The following IQGAP3 variants were observed in gnomAD, a reference collection of about 807,000 sequenced individuals.
IQGAP3 encodes the protein ras GTPase-activating-like protein IQGAP3.
A neutral mutation model predicts 208.2 loss-of-function variants in IQGAP3; 165 were observed. The ratio of observed to expected loss-of-function variants is 0.79; its 90% CI spans 0.70 to 0.90. The LOEUF is 0.90. Ranked by LOEUF, IQGAP3 falls within the 40% of genes least tolerant of loss-of-function variation. The pLI is 0.00. For missense variants in IQGAP3, 1,811 were observed against 2,043.1 expected (o/e 0.89, Z 2.19); for synonymous variants, 703 against 803.6 (o/e 0.87, Z 2.12).
At chr1:156,539,141 C>CT in intron 25 of IQGAP3, 108 bp from the exon 26 acceptor site, 3 of 983,766 alleles carry the variant, frequency 3.0e-6, no homozygotes, top group Non-Finnish European at 4.7e-6. Flanking sequence ...GGTGTCCCCG[C>CT]TCTTAAGGAA....
chr1:156,548,617 C>T lies in IQGAP3; in HGVS notation c.1957G>A (p.Ala653Thr). Reference sequence around the variant, plus strand: ...TTCTTTGCCATGGCACTTTCCAGGGCTCGCTGGTAGCCGTTGGCACAGTCG... The same window carrying T: ...TTCTTTGCCATGGCACTTTCCAGGGTTCGCTGGTAGCCGTTGGCACAGTCG... ...VPDCANGYQR[A>T]LESAMAKKQR... Residue 653 changes from alanine to threonine, a missense_variant, in exon 17 of 38, where the codon GCC (alanine) becomes ACC (threonine). Transcript: ENST00000361170. The T allele has an allele frequency of 4.4e-6, 7 of 1,607,980 alleles. No individual in the cohort carries two copies. Among genetic ancestry groups the T allele is most frequent in the Non-Finnish European group, 6.0e-6 (7 of 1,176,138 alleles).
rs747422782 is a variant in IQGAP3 at position 156,554,283 on chromosome 1, A to G, written c.1400T>C (p.Val467Ala). 13 of 1,613,950 alleles carry G rather than the reference A, an allele frequency of 8.1e-6. No homozygotes were observed. Among genetic ancestry groups the G allele is most frequent in the Middle Eastern group, 1.7e-4 (1 of 6,060 alleles). The stretch of plus-strand genomic sequence containing the variant: ...CTCAGCCAGGCCTGTGGCAGGGTTC[A>G]CCAGGCTGCTCCAGAAGCCACTGGC... ...RDASGFWSSL[V>A]NPATGLAEVE... is the part of the protein sequence containing the mutation. The change falls in exon 13 of 38, where the codon GTG becomes GCG. Residue 467 changes from valine to alanine, a missense_variant. Val to Ala is a moderately conservative substitution (Grantham distance 64, BLOSUM62 0). Transcript: ENST00000361170.
chr1:156,540,962 A>T, intron 22 of IQGAP3, 46 bp from the exon 23 acceptor site: 1 of 1,527,420 alleles, frequency 6.5e-7, no homozygotes. Flanking sequence ...GCCTCATCAG[A>T]GGCCTCCTCA....
At chr1:156,571,680 T>TA (rs1676650095) in intron 1 of IQGAP3, among the ~76,000 whole-genome samples, 1 of 152,084 alleles carries the variant, frequency 6.6e-6, no homozygotes, top group Admixed American at 6.5e-5. Context: ...CTCAAAAAAA[T>TA]AAAAAACCGA....
intron 33 of IQGAP3, 122 bp from the exon 34 acceptor site, chr1:156,530,439 G>A: frequency 1.3e-6 from 1 of 774,484 alleles, no homozygotes; most frequent in Non-Finnish European, 2.1e-6. Flanking sequence ...ATATCATTAA[G>A]AAAGTGCCCC....
rs1392276164 is a variant in IQGAP3 at position 156,563,726 on chromosome 1, C to T, written c.505+31G>A. On this transcript the variant is annotated intron_variant, in intron 6 of 37. Coordinates refer to ENST00000361170, the MANE Select transcript of IQGAP3 (RefSeq NM_178229.5). Reference sequence around the variant, plus strand: ...CAGAACCCCCAAGACCCTGCCCAGGCTGTGGTGGTCAGGGAAGGAGCTGGG... The same window carrying T: ...CAGAACCCCCAAGACCCTGCCCAGGTTGTGGTGGTCAGGGAAGGAGCTGGG... 9.3e-6 allele frequency: 15 copies of T among 1,608,290 alleles called. No individual in the cohort carries two copies. The East Asian group carries it at 3.3e-4, about 36-fold the overall frequency.
chr1:156,542,635 AG>A (rs1381876407), intron 22 of IQGAP3, among the ~76,000 whole-genome samples: 1 of 152,212 alleles, frequency 6.6e-6, no homozygotes, highest in Non-Finnish European at 1.5e-5. Flanking sequence ...AAAGGAGAAA[AG>A]TGGGCAAGAA....
rs1427576974 is a variant in IQGAP3 at position 156,537,279 on chromosome 1, G to A, written c.3324C>T (p.His1108=). The change falls in exon 27 of 38, where the codon CAC becomes CAT. Residue 1108 remains histidine (H), a synonymous_variant. Transcript: ENST00000361170. ...TGTCCAGTCGTCTCTGGACCTCGGGGTGGCTCAAGGCCTGCTCCGGGGTGA... is the reference window on the plus strand; with the variant it reads ...TGTCCAGTCGTCTCTGGACCTCGGGATGGCTCAAGGCCTGCTCCGGGGTGA... ...YDVTPEQALS[H]PEVQRRLDIA... The A allele has an allele frequency of 1.2e-6, 2 of 1,614,028 alleles. No homozygotes were observed. The highest frequency in any genetic ancestry group is 2.2e-5 in the East Asian group (1 of 44,868).
At chr1:156,555,748 T>C (rs1675795590) in intron 12 of IQGAP3, among the ~76,000 whole-genome samples, 1 of 152,208 alleles carries the variant, frequency 6.6e-6, no homozygotes, top group Non-Finnish European at 1.5e-5. Context: ...ACTTGCCCAA[T>C]GTCACATAGC....
Position 156,561,880 on chromosome 1 carries a change from CCA to C in IQGAP3, c.997_998del (p.Trp333ValfsTer39). ...LRGVRRDFAD[W>X]YLEQLNSDRE... ...TGTCTGAGTTCAGCTGCTCCAGGTACCAGTCAGCAAAGTCTCTCCTCACCCCT... is the reference window on the plus strand; with the variant it reads ...TGTCTGAGTTCAGCTGCTCCAGGTACGTCAGCAAAGTCTCTCCTCACCCCT... On this transcript the variant is annotated frameshift_variant, in exon 10 of 38. Transcript: ENST00000361170. LOFTEE classifies it high-confidence loss of function. 1 of 1,614,080 alleles carries C rather than the reference CCA, an allele frequency of 6.2e-7. No individual in the cohort carries two copies. Among genetic ancestry groups the C allele is most frequent in the Non-Finnish European group, 8.5e-7 (1 of 1,179,990 alleles).
intron 15 of IQGAP3, 137 bp from the exon 16 acceptor site, chr1:156,550,488 G>T: frequency 1.5e-6 from 1 of 663,908 alleles, no homozygotes. Flanking sequence ...TCAGCTCTCT[G>T]CCCTGTGTGT....
chr1:156,560,932 A>G lies in IQGAP3; in HGVS notation c.1129+2T>C. 1 of 1,609,208 alleles carries G rather than the reference A, an allele frequency of 6.2e-7. No individual in the cohort carries two copies. The highest frequency in any genetic ancestry group is 1.1e-5 in the South Asian group (1 of 90,972). ...CAGGCCTCAGACCTGCAGATGACTT[A>G]CTGGCTTGTTCCTGATCACCCTTTG... On this transcript the variant is annotated splice_donor_variant, in intron 11 of 37. Transcript: ENST00000361170. LOFTEE classifies it high-confidence loss of function.
rs1287209138 is a variant in IQGAP3, at chr1:156,564,616, T to C, written c.436A>G (p.Ser146Gly). 2.5e-6 allele frequency: 4 copies of C among 1,609,154 alleles called. No individual in the cohort carries two copies. Among genetic ancestry groups the C allele is most frequent in the African/African-American group, 2.7e-5 (2 of 74,818 alleles). ...ATGATAAAATTTGAGGTCTCTCACCTGAGAGCATGGATGCAGTAGACTACC... is the reference window on the plus strand; with the variant it reads ...ATGATAAAATTTGAGGTCTCTCACCCGAGAGCATGGATGCAGTAGACTACC... The part of the protein sequence containing the change: ...PRVVYCIHAL[S>G]LFLFRLGLAP... Residue 146 changes from serine (S) to glycine (G), a missense_variant and splice_region_variant, in exon 5 of 38, where the codon AGT becomes GGT. Transcript: ENST00000361170.
chr1:156,537,398 C>T (rs955215368), intron 26 of IQGAP3, 77 bp from the exon 27 acceptor site: 27 of 1,394,980 alleles, frequency 1.9e-5, no homozygotes, highest in African/African-American at 5.8e-5. Flanking sequence ...ATTCCTTAAA[C>T]GCTTGTCTAA....
rs1676387385 is a variant in IQGAP3, at chr1:156,566,084, A to G, written c.303T>C (p.Arg101=). The G allele has an allele frequency of 6.2e-7, 1 of 1,613,762 alleles. No homozygotes were observed. Among genetic ancestry groups the G allele is most frequent in the Admixed American group, 1.7e-5 (1 of 59,992 alleles). The part of the protein sequence containing the change: ...LRYQATGLHF[R]HTDNINFWLS... ...GCCAAAAGTTGATGTTGTCTGTGTG[A>G]CGGAAATGTAAGCCAGTTGCCTGAA... The change falls in exon 4 of 38, where the codon CGT becomes CGC. Residue 101 remains arginine (R), a synonymous_variant. Transcript: ENST00000361170.
Position 156,554,258 on chromosome 1 carries a change from C to G in IQGAP3, c.1425G>C (p.Glu475Asp). ...ACCGCTGGGCATTTTCTCCTTCCACCTCAGCCAGGCCTGTGGCAGGGTTCA... is the reference window on the plus strand; with the variant it reads ...ACCGCTGGGCATTTTCTCCTTCCACGTCAGCCAGGCCTGTGGCAGGGTTCA... ...SLVNPATGLA[E>D]VEGENAQRYF... Residue 475 changes from glutamate (E) to aspartate (D), a missense_variant, in exon 13 of 38, where the codon GAG becomes GAC. Physicochemically the swap from Glu to Asp is conservative, Grantham distance 45 (BLOSUM62 2). Transcript: ENST00000361170. The G allele has an allele frequency of 6.2e-7, 1 of 1,610,522 alleles. No homozygotes were observed. The highest frequency in any genetic ancestry group is 8.5e-7 in the Non-Finnish European group (1 of 1,178,988).
rs377570166 is a variant in IQGAP3, at chr1:156,563,693, A to C, written c.506-27T>G. 2.2e-4 allele frequency: 361 copies of C among 1,610,258 alleles called. 1 individual carries two copies. Among genetic ancestry groups the C allele is most frequent in the Non-Finnish European group, 1.5e-4 (175 of 1,177,500 alleles). On this transcript the variant is annotated intron_variant, in intron 6 of 37. Coordinates refer to ENST00000361170, the MANE Select transcript of IQGAP3 (RefSeq NM_178229.5). ...TGCAATGATGCCACAGGTGCCCTTCATCAGGCCCAGAACCCCCAAGACCCT... is the reference window on the plus strand; with the variant it reads ...TGCAATGATGCCACAGGTGCCCTTCCTCAGGCCCAGAACCCCCAAGACCCT...
intron 9 of IQGAP3, 50 bp downstream of exon 9, chr1:156,562,537 G>A: frequency 2.7e-6 from 4 of 1,455,510 alleles, no homozygotes; most frequent in Non-Finnish European, 3.9e-6. Context: ...CCCAGTGCAG[G>A]GGCTTACCCT....
chr1:156,548,999 T>C (rs1398648048), intron 16 of IQGAP3, among the ~76,000 whole-genome samples: 2 of 152,048 alleles, frequency 1.3e-5, no homozygotes. Flanking sequence ...CTAGGCTGAG[T>C]TGGGGCTTGA....
Sources: allele counts gnomAD v4.1 joint callset (sites outside exome capture counted in the v4.1 genomes callset), GRCh38; gene constraint gnomAD v4.1.1; transcripts MANE v1.5; gene names NCBI Gene and HGNC (gene_info 2026-07-23, HGNC 2026-07-21).